PTPRD: variants seen among roughly 807,000 people sequenced by gnomAD.
PTPRD encodes protein tyrosine phosphatase receptor type D, also known as receptor-type tyrosine-protein phosphatase delta.
Under a neutral mutation model 214.5 loss-of-function variants are expected in PTPRD, and 34 were observed. That is an observed-to-expected ratio of 0.16 (90% confidence interval 0.12 to 0.21). PTPRD has a LOEUF of 0.21. Among genes scored for constraint, PTPRD ranks in the 10% least tolerant of loss-of-function variants. The pLI, the probability that PTPRD is intolerant of heterozygous loss-of-function variation, is 1.00. For missense variants in PTPRD, 2,545 were observed against 2,398.7 expected (o/e 1.06, Z -1.27); for synonymous variants, 1,128 against 845.7 (o/e 1.33, Z -5.79).
intron 32 of PTPRD, among the ~76,000 whole-genome samples, chr9:8,463,154 G>T (rs145249018): frequency 6.6e-6 from 1 of 151,534 alleles, no homozygotes; most frequent in African/African-American, 2.4e-5. Context: ...CATCAAGCAG[G>T]AGAACAGATG....
chr9:9,316,895 T>G (rs188954829), intron 9 of PTPRD, among the ~76,000 whole-genome samples: 19 of 152,136 alleles, frequency 1.2e-4, no homozygotes, highest in Non-Finnish European at 1.8e-4. Context: ...ACTGAGAATA[T>G]TGAGATCATC....
At chr9:8,944,646 C>T (rs1400872040) in intron 11 of PTPRD, among the ~76,000 whole-genome samples, 1 of 151,930 alleles carries the variant, frequency 6.6e-6, no homozygotes, top group East Asian at 1.9e-4. Context: ...AATAAGCCTG[C>T]CACAGAAAGA....
At chr9:10,035,574 A>C (rs1436104082) in intron 3 of PTPRD, among the ~76,000 whole-genome samples, 1 of 151,972 alleles carries the variant, frequency 6.6e-6, no homozygotes, top group African/African-American at 2.4e-5. Context: ...TAGGTTTTAC[A>C]TTTAAGTCTT....
intron 7 of PTPRD, among the ~76,000 whole-genome samples, chr9:9,586,789 A>T (rs2092049494): frequency 6.6e-6 from 1 of 151,990 alleles, no homozygotes; most frequent in Non-Finnish European, 1.5e-5. Flanking sequence ...AGAGGGGAAA[A>T]AAGAGATATA....
At chr9:9,980,821 G>A (rs745325467) in intron 4 of PTPRD, among the ~76,000 whole-genome samples, 2 of 150,634 alleles carry the variant, frequency 1.3e-5, no homozygotes, top group Non-Finnish European at 1.5e-5. Context: ...CGTATTTATA[G>A]GTAGTTCACA....
At chr9:9,817,902 T>A (rs1213505307) in intron 5 of PTPRD, among the ~76,000 whole-genome samples, 1 of 152,192 alleles carries the variant, frequency 6.6e-6, no homozygotes, top group Non-Finnish European at 1.5e-5. Context: ...GCAAGATCAA[T>A]GTACAGGATA....
intron 5 of PTPRD, among the ~76,000 whole-genome samples, chr9:9,920,817 A>G (rs2082336100): frequency 6.6e-6 from 1 of 152,134 alleles, no homozygotes; most frequent in Non-Finnish European, 1.5e-5. Context: ...AACTGAGTAG[A>G]GAAGTGAATA....
chr9:9,118,719 A>G (rs2099814653), intron 10 of PTPRD, among the ~76,000 whole-genome samples: 1 of 152,210 alleles, frequency 6.6e-6, no homozygotes, highest in African/African-American at 2.4e-5. Context: ...TAATTGAACA[A>G]ATAAGGTGAC....
chr9:10,091,655 C>G (rs189812271), intron 3 of PTPRD, among the ~76,000 whole-genome samples: 1 of 151,416 alleles, frequency 6.6e-6, no homozygotes, highest in African/African-American at 2.4e-5. Context: ...CCAAATAATA[C>G]ATTTTTAGAA....
At chr9:10,379,663 G>T (rs980279615) in intron 2 of PTPRD, among the ~76,000 whole-genome samples, 4 of 151,940 alleles carry the variant, frequency 2.6e-5, no homozygotes, top group African/African-American at 9.7e-5. Flanking sequence ...AGTTCAAAAA[G>T]AATATTTCCT....
chr9:10,077,097 A>T (rs908886322), intron 3 of PTPRD, among the ~76,000 whole-genome samples: 1 of 152,150 alleles, frequency 6.6e-6, no homozygotes, highest in Non-Finnish European at 1.5e-5. Flanking sequence ...ATAAAACTTC[A>T]CGTTCATTTT....
chr9:9,627,382 T>C (rs1285347885), intron 7 of PTPRD, among the ~76,000 whole-genome samples: 1 of 152,218 alleles, frequency 6.6e-6, no homozygotes, highest in Non-Finnish European at 1.5e-5. Context: ...TTAATTTGTG[T>C]GTATTCGTTT....
intron 11 of PTPRD, among the ~76,000 whole-genome samples, chr9:8,856,721 G>C (rs1335710496): frequency 6.6e-6 from 1 of 152,156 alleles, no homozygotes; most frequent in Non-Finnish European, 1.5e-5. Flanking sequence ...AAAGTGGATT[G>C]TGATAGTCCT....
chr9:9,170,253 C>G lies in PTPRD; in HGVS notation c.-143+13051G>C, dbSNP rs16929011. On this transcript the variant is annotated intron_variant, in intron 10 of 45. Transcript: ENST00000381196. ...CTAAGCTGAATTATTTTTCTGAAAC[C>G]CATACCAAAAATGTTCATTAGAGTT... 1.7e-3 allele frequency among the ~76,000 whole-genome samples: 255 copies of G among 152,138 alleles called. 3 individuals carry two copies. In the East Asian group the frequency reaches 0.033, roughly 20 times the overall value.
chr9:10,326,126 A>G (rs1385698104), intron 3 of PTPRD, among the ~76,000 whole-genome samples: 1 of 151,730 alleles, frequency 6.6e-6, no homozygotes, highest in African/African-American at 2.4e-5. Context: ...AAACAAAACT[A>G]AAAAACAATC....
chr9:9,053,858 G>T (rs187068266), intron 10 of PTPRD, among the ~76,000 whole-genome samples: 1 of 152,082 alleles, frequency 6.6e-6, no homozygotes. Flanking sequence ...ACAATCTTTT[G>T]TTATGGATTG....
intron 11 of PTPRD, among the ~76,000 whole-genome samples, chr9:8,912,852 A>G (rs1174014459): frequency 6.6e-6 from 1 of 152,146 alleles, no homozygotes; most frequent in Non-Finnish European, 1.5e-5. Context: ...TCAGGTTCCT[A>G]AATGGTAGAA....
chr9:8,841,782 C>A (rs535279974), intron 11 of PTPRD, among the ~76,000 whole-genome samples: 8 of 151,730 alleles, frequency 5.3e-5, no homozygotes, highest in Non-Finnish European at 1.0e-4. Flanking sequence ...GAGGCCAAGG[C>A]GGGTGGATCA....
chr9:10,459,074 G>A (rs112980824), intron 2 of PTPRD, among the ~76,000 whole-genome samples: 5 of 152,106 alleles, frequency 3.3e-5, no homozygotes, highest in African/African-American at 7.2e-5. Context: ...ACAGGCCCCA[G>A]TGTGTGATGT....
Sources: gnomAD v4.1 joint callset for allele counts (sites outside exome capture counted in the v4.1 genomes callset) on GRCh38, gnomAD v4.1.1 for gene constraint, MANE v1.5 for transcripts, NCBI Gene and HGNC (gene_info 2026-07-23, HGNC 2026-07-21) for gene names.